Variants in ELMO1 observed in about 807,000 individuals in gnomAD.
The protein encoded by ELMO1 is engulfment and cell motility protein 1.
Under a neutral mutation model 98.9 loss-of-function variants are expected in ELMO1, and 26 were observed. That is an observed-to-expected ratio of 0.26 (90% CI 0.19 to 0.36). The LOEUF (loss-of-function observed/expected upper bound fraction) is 0.36. Ranked by LOEUF, ELMO1 falls within the 10% of genes least tolerant of loss-of-function variation. ELMO1 has a pLI of 1.00. For synonymous variants in ELMO1, 346 were observed against 346.0 expected (o/e 1.00, Z 0.00); for missense variants, 627 against 935.2 (o/e 0.67, Z 4.30).
At chr7:37,290,233 G>C (rs980273566) in intron 4 of ELMO1, among the ~76,000 whole-genome samples, 2 of 152,016 alleles carry the variant, frequency 1.3e-5, no homozygotes, top group African/African-American at 4.8e-5. Flanking sequence ...TGAGATTTTA[G>C]TTTTTTAGTA....
At chr7:37,272,113 A>T (rs1467981033) in intron 4 of ELMO1, among the ~76,000 whole-genome samples, 2 of 152,228 alleles carry the variant, frequency 1.3e-5, no homozygotes, top group Non-Finnish European at 2.9e-5. Context: ...TAGCAAACAA[A>T]AAAAGTAATT....
At chr7:36,898,683 C>T (rs545521972) in intron 16 of ELMO1, among the ~76,000 whole-genome samples, 1 of 152,218 alleles carries the variant, frequency 6.6e-6, no homozygotes, top group African/African-American at 2.4e-5. Flanking sequence ...TGAGGCTCCA[C>T]GTGCTCCTTG....
chr7:36,855,709 C>G lies in ELMO1; in HGVS notation c.2026G>C (p.Asp676His). Reference sequence around the variant, plus strand: ...TTCCGCGTCAGGTCGCTCATCATGTCCTTCCCGAGTAGCGCATTCAGTCCA... The same window carrying G: ...TTCCGCGTCAGGTCGCTCATCATGTGCTTCCCGAGTAGCGCATTCAGTCCA... ...TDGLNALLGK[D>H]MMSDLTRNDL... The change falls in exon 22 of 22, where the codon GAC (aspartate) becomes CAC (histidine). Residue 676 changes from aspartate (D) to histidine (H), a missense_variant. Asp to His is a moderately conservative substitution (Grantham distance 81). Coordinates refer to ENST00000310758, the MANE Select transcript of ELMO1 (RefSeq NM_014800.11). This position sits in a 1 kb window ranked among gnomAD's most constrained non-coding sequence, Gnocchi z 4.2. 1 of 1,614,084 alleles carries G rather than the reference C, an allele frequency of 6.2e-7. No individual in the cohort carries two copies. Among genetic ancestry groups the G allele is most frequent in the Non-Finnish European group, 8.5e-7 (1 of 1,179,978 alleles).
chr7:37,128,539 C>G (rs1485020732), intron 14 of ELMO1, among the ~76,000 whole-genome samples: 1 of 133,552 alleles, frequency 7.5e-6, no homozygotes, highest in Non-Finnish European at 1.5e-5. Context: ...TGTGCCCGTC[C>G]AAGTTTTGGG....
chr7:37,077,175 C>A (rs1448820284), intron 15 of ELMO1, among the ~76,000 whole-genome samples: 1 of 152,180 alleles, frequency 6.6e-6, no homozygotes, highest in Non-Finnish European at 1.5e-5. Flanking sequence ...GCAGATGGAG[C>A]TGGCGGGAGA....
chr7:36,984,562 T>A (rs973117321), intron 16 of ELMO1, among the ~76,000 whole-genome samples: 2 of 152,178 alleles, frequency 1.3e-5, no homozygotes, highest in African/African-American at 4.8e-5. Flanking sequence ...TAAAGTAAAT[T>A]CTATTCTAGA....
intron 13 of ELMO1, among the ~76,000 whole-genome samples, chr7:37,142,009 ATT>A (rs1450722982): frequency 6.6e-6 from 1 of 152,230 alleles, no homozygotes; most frequent in Non-Finnish European, 1.5e-5. Context: ...TGATTTGAGT[ATT>A]TTATTTTAGC....
At chr7:37,396,130 T>C (rs1803290596) in intron 1 of ELMO1, among the ~76,000 whole-genome samples, 1 of 152,196 alleles carries the variant, frequency 6.6e-6, no homozygotes. Flanking sequence ...CTTTGCTCTC[T>C]TGGTGGTTCT....
At chr7:36,861,604 T>C (rs1175968814) in intron 21 of ELMO1, 55 bp downstream of exon 21, 3 of 1,564,688 alleles carry the variant, frequency 1.9e-6, no homozygotes, top group Non-Finnish European at 2.6e-6. Context: ...CTTTCTATAT[T>C]TTTCTTGAGA....
At chr7:37,369,424 T>C (rs184024051) in intron 1 of ELMO1, among the ~76,000 whole-genome samples, 1 of 152,292 alleles carries the variant, frequency 6.6e-6, no homozygotes, top group East Asian at 1.9e-4. Flanking sequence ...TCTTGAAGCA[T>C]TTCAAATTTT....
chr7:37,410,263 G>A (rs1803943569), intron 1 of ELMO1, among the ~76,000 whole-genome samples: 1 of 152,184 alleles, frequency 6.6e-6, no homozygotes, highest in Non-Finnish European at 1.5e-5. Context: ...GCTCCCTAAA[G>A]TTTTGCTAAA....
intron 1 of ELMO1, among the ~76,000 whole-genome samples, chr7:37,369,043 T>C (rs979988016): frequency 1.3e-5 from 2 of 152,202 alleles, no homozygotes; most frequent in African/African-American, 4.8e-5. Context: ...ATAAAAGTTA[T>C]TGAAAAACAT....
chr7:37,278,531 AC>A (rs35725825), intron 4 of ELMO1, among the ~76,000 whole-genome samples: 10,461 of 152,044 alleles, frequency 0.069, 518 homozygotes, highest in Non-Finnish European at 0.11. Context: ...CAAAACACTA[AC>A]AATAAAACAG....
chr7:37,314,407 G>A (rs891740599), intron 4 of ELMO1, among the ~76,000 whole-genome samples: 9 of 152,218 alleles, frequency 5.9e-5, no homozygotes, highest in Non-Finnish European at 2.9e-5. Flanking sequence ...GGAGAGAGCT[G>A]GGTTCCCAAG....
intron 16 of ELMO1, among the ~76,000 whole-genome samples, chr7:36,975,977 T>C (rs905680257): frequency 1.2e-4 from 18 of 152,202 alleles, no homozygotes; most frequent in Non-Finnish European, 2.6e-4. Flanking sequence ...AGTTGGAAAT[T>C]GTTATCAATA....
At chr7:36,974,809 C>T (rs967818076) in intron 16 of ELMO1, among the ~76,000 whole-genome samples, 2 of 152,124 alleles carry the variant, frequency 1.3e-5, no homozygotes, top group Non-Finnish European at 2.9e-5. Flanking sequence ...TAACACTCAC[C>T]GCGAAGGTCT....
chr7:37,013,241 G>A, intron 16 of ELMO1, 58 bp downstream of exon 16: 3 of 1,595,516 alleles, frequency 1.9e-6, no homozygotes. Flanking sequence ...AAGGGACCAT[G>A]CAGCAGGCCC....
intron 13 of ELMO1, among the ~76,000 whole-genome samples, chr7:37,174,758 G>A (rs1431347498): frequency 6.6e-6 from 1 of 152,114 alleles, no homozygotes; most frequent in Non-Finnish European, 1.5e-5. Flanking sequence ...GGCAAGGAGA[G>A]GTCAATATCA....
At chr7:37,297,985 A>G (rs569598487) in intron 4 of ELMO1, among the ~76,000 whole-genome samples, 1 of 152,248 alleles carries the variant, frequency 6.6e-6, no homozygotes, top group African/African-American at 2.4e-5. Context: ...TTCTCTAAGT[A>G]ATAGGATTTT....
Sources: allele counts gnomAD v4.1 joint callset (sites outside exome capture counted in the v4.1 genomes callset), GRCh38; gene constraint gnomAD v4.1.1; non-coding constraint Gnocchi (gnomAD v3.1); transcripts MANE v1.5; gene names NCBI Gene and HGNC (gene_info 2026-07-23, HGNC 2026-07-21).